Variants in RC3H1 observed in about 807,000 individuals in gnomAD.
RC3H1 encodes ring finger and CCCH-type domains 1.
A neutral mutation model predicts 138.2 loss-of-function variants in RC3H1; 50 were observed. The ratio of observed to expected loss-of-function variants is 0.36; its 90% CI spans 0.29 to 0.46. The LOEUF is 0.46. RC3H1 is among the 20% of genes least tolerant of loss of function. The pLI, the probability that RC3H1 is intolerant of heterozygous loss-of-function variation, is 1.00. For missense variants in RC3H1, 1,031 were observed against 1,388.1 expected (o/e 0.74, Z 4.09); for synonymous variants, 462 against 489.1 (o/e 0.94, Z 0.73).
chr1:174,013,502 C>T (rs567600083), intron 1 of RC3H1, among the ~76,000 whole-genome samples: 1 of 151,424 alleles, frequency 6.6e-6, no homozygotes, highest in Non-Finnish European at 1.5e-5. Context: ...AGTGTAGTGG[C>T]GCGATCTCAG....
chr1:173,998,503 AT>A (rs1179853745), intron 1 of RC3H1, among the ~76,000 whole-genome samples: 5 of 152,228 alleles, frequency 3.3e-5, no homozygotes, highest in Non-Finnish European at 7.3e-5. Context: ...AAGTTCAAAA[AT>A]ACCATATAAT....
intron 1 of RC3H1, among the ~76,000 whole-genome samples, chr1:173,995,533 CAAA>C (rs1429449370): frequency 5.9e-5 from 5 of 85,286 alleles, no homozygotes; most frequent in Non-Finnish European, 9.5e-5. Flanking sequence ...GACTCCATCT[CAAA>C]AAAAAAAAAA....
At chr1:173,992,669 A>AAC (rs34709821) in intron 2 of RC3H1, 86 bp downstream of exon 2, 85,130 of 634,604 alleles carry the variant, frequency 0.13, 1,987 homozygotes, top group East Asian at 0.18. Context: ...AAACACGCAC[A>AAC]ACACACACAC....
At chr1:173,962,546 T>G (rs1050699089) in intron 11 of RC3H1, among the ~76,000 whole-genome samples, 1 of 152,244 alleles carries the variant, frequency 6.6e-6, no homozygotes, top group Non-Finnish European at 1.5e-5. Context: ...TCTACAGTTC[T>G]TGAGACAACA....
intron 1 of RC3H1, among the ~76,000 whole-genome samples, chr1:174,020,738 G>A (rs1031969625): frequency 5.3e-5 from 8 of 152,332 alleles, no homozygotes; most frequent in African/African-American, 4.8e-5. Context: ...GCTGAGCGAG[G>A]TGGCTCACGC....
intron 1 of RC3H1, among the ~76,000 whole-genome samples, chr1:174,004,197 A>AGTGAG (rs1661611326): frequency 6.6e-6 from 1 of 151,354 alleles, no homozygotes; most frequent in African/African-American, 2.4e-5. Flanking sequence ...CTCAAGTCTC[A>AGTGAG]CCCTTCTGGG....
At chr1:173,949,496 G>A (rs1222472145) in intron 14 of RC3H1, among the ~76,000 whole-genome samples, 1 of 151,988 alleles carries the variant, frequency 6.6e-6, no homozygotes, top group East Asian at 1.9e-4. Context: ...AACCTCCCAA[G>A]TACCTGGGAT....
intron 2 of RC3H1, among the ~76,000 whole-genome samples, chr1:173,988,851 G>A (rs1557945569): frequency 1.3e-5 from 2 of 152,204 alleles, no homozygotes; most frequent in South Asian, 2.1e-4. Flanking sequence ...TCTACTTGAC[G>A]AGGTGATTGT....
rs185190157 is a variant in RC3H1, at chr1:173,938,910, A to G, written c.3252-39T>C. ...AAAATTTTGAAAAAGGAGAGAGAGA[A>G]AAATGATTACTACAATAAAATCAAC... On this transcript the variant is annotated intron_variant, in intron 19 of 19. Transcript: ENST00000367696. 2.1e-4 allele frequency: 316 copies of G among 1,499,744 alleles called. 1 individual carries two copies. The African/African-American group carries it at 3.4e-3, about 16-fold the overall frequency. The allele number at this position is 1,499,744 out of a possible 1,614,324, so 92.9% of individuals were successfully genotyped here. A position where few individuals can be genotyped will look rare whatever the true frequency, so the allele number is the denominator to read the frequency against.
chr1:173,992,835 G>C lies in RC3H1; in HGVS notation c.151C>G (p.Pro51Ala). 1 of 1,614,124 alleles carries C rather than the reference G, an allele frequency of 6.2e-7. No homozygotes were observed. Among genetic ancestry groups the C allele is most frequent in the Non-Finnish European group, 8.5e-7 (1 of 1,180,020 alleles). Residue 51 changes from proline (P) to alanine (A), a missense_variant, in exon 2 of 20, where the codon CCA becomes GCA. This residue lies in a region of RC3H1 where 35 missense variants were observed against 69.4 expected (regional missense o/e 0.50). Coordinates refer to ENST00000367696, the MANE Select transcript of RC3H1 (RefSeq NM_172071.4). ...GTATTGATAGTGGTCTGGTCAAATGGGCAAGCCTTGCGGTGGAGTTTATTC... is the reference window on the plus strand; with the variant it reads ...GTATTGATAGTGGTCTGGTCAAATGCGCAAGCCTTGCGGTGGAGTTTATTC... Reference protein sequence around the residue: ...CLNKLHRKACPFDQTTINTDI... With the variant: ...CLNKLHRKACAFDQTTINTDI...
intron 1 of RC3H1, among the ~76,000 whole-genome samples, chr1:174,011,879 A>G (rs1276321844): frequency 2.0e-5 from 3 of 152,122 alleles, no homozygotes; most frequent in Non-Finnish European, 4.4e-5. Flanking sequence ...ACCTTTAACA[A>G]CCAATTCGTA....
intron 2 of RC3H1, among the ~76,000 whole-genome samples, chr1:173,992,316 T>C (rs2103041666): frequency 6.6e-6 from 1 of 152,178 alleles, no homozygotes; most frequent in Middle Eastern, 3.4e-3. Context: ...AGCTCATTTT[T>C]TTGTATTTGT....
At chr1:173,984,212 C>A (rs1660933537) in intron 3 of RC3H1, among the ~76,000 whole-genome samples, 1 of 152,136 alleles carries the variant, frequency 6.6e-6, no homozygotes, top group African/African-American at 2.4e-5. Context: ...TTTCCATCAT[C>A]ACATAAACTA....
At chr1:173,949,371 CTT>C (rs963586149) in intron 14 of RC3H1, among the ~76,000 whole-genome samples, 1 of 143,946 alleles carries the variant, frequency 6.9e-6, no homozygotes, top group Non-Finnish European at 1.5e-5. Context: ...AATACCATTT[CTT>C]TTTTTTTTTT....
chr1:173,946,771 G>C lies in RC3H1; in HGVS notation c.2803C>G (p.Pro935Ala), dbSNP rs61741479. The stretch of plus-strand genomic sequence containing the variant: ...CTCTCACTGAAGTGTCCCTGAGAAG[G>C]TATGTTTTGATGAGGTGAATATGGA... ...ASPYSPHQNI[P>A]SQGHFSERER... is the part of the protein sequence containing the mutation. Residue 935 changes from proline to alanine, a missense_variant, in exon 16 of 20, where the codon CCT (proline) becomes GCT (alanine). Coordinates refer to ENST00000367696, the MANE Select transcript of RC3H1 (RefSeq NM_172071.4). The C allele has an allele frequency of 0.031, 49,787 of 1,613,378 alleles. 891 individuals are homozygous for C. Among genetic ancestry groups the C allele is most frequent in the Middle Eastern group, 0.058 (354 of 6,062 alleles).
At chr1:173,946,374 A>G in intron 17 of RC3H1, 102 bp downstream of exon 17, 1 of 1,038,510 alleles carries the variant, frequency 9.6e-7, no homozygotes, top group South Asian at 1.7e-5. Context: ...CTCCTAAGAA[A>G]TAGACCTTAA....
chr1:173,946,725 A>T, intron 16 of RC3H1, 21 bp downstream of exon 16: 1 of 1,605,302 alleles, frequency 6.2e-7, no homozygotes, highest in Non-Finnish European at 8.5e-7. Context: ...TGTTTGTTCA[A>T]GTAAAAAGAA....
At chr1:173,957,558 C>T (rs957917853) in intron 13 of RC3H1, among the ~76,000 whole-genome samples, 4 of 151,906 alleles carry the variant, frequency 2.6e-5, no homozygotes, top group Admixed American at 1.3e-4. Flanking sequence ...TTCTTCCCCC[C>T]CTCTAATTTT....
Position 173,952,082 on chromosome 1 carries a change from T to C in RC3H1, c.2427A>G (p.Gln809=), listed in dbSNP as rs769322307. The change falls in exon 14 of 20, where the codon CAA becomes CAG. Residue 809 remains glutamine (Q), a synonymous_variant. Coordinates refer to ENST00000367696, the MANE Select transcript of RC3H1 (RefSeq NM_172071.4). ...AGKYKGNDYS[Q]YSPWSCDTIG... ...TGGTGTCACATGACCAGGGAGAGTATTGGCTATAATCATTTCCTTTGTATT... is the reference window on the plus strand; with the variant it reads ...TGGTGTCACATGACCAGGGAGAGTACTGGCTATAATCATTTCCTTTGTATT... 8.7e-6 allele frequency: 14 copies of C among 1,606,354 alleles called. No homozygotes were observed. Among genetic ancestry groups the C allele is most frequent in the African/African-American group, 6.7e-5 (5 of 74,438 alleles).
Sources: allele counts gnomAD v4.1 joint callset (sites outside exome capture counted in the v4.1 genomes callset), GRCh38; gene constraint gnomAD v4.1.1; regional missense constraint gnomAD v4.1.1; transcripts MANE v1.5; gene names NCBI Gene and HGNC (gene_info 2026-07-23, HGNC 2026-07-21).